The following HOOK2 variants were observed in gnomAD, a reference collection of about 807,000 sequenced individuals.
HOOK2 encodes protein Hook homolog 2.
Under a neutral mutation model 111.9 loss-of-function variants are expected in HOOK2, and 108 were observed. That is an observed-to-expected ratio of 0.96 (90% CI 0.83 to 1.13). The LOEUF (loss-of-function observed/expected upper bound fraction) is 1.13, where lower values mean the gene tolerates loss of function less well. Ranked by LOEUF, HOOK2 falls within the 50% of genes most tolerant of loss-of-function variation. The pLI is 0.00. For synonymous variants in HOOK2, 405 were observed against 394.3 expected, an observed-to-expected ratio of 1.03 and a Z score of -0.32; for missense variants, 978 against 951.3, an observed-to-expected ratio of 1.03 and a Z score of -0.37.
chr19:12,765,495 C>A lies in HOOK2; in HGVS notation c.1640+195G>T, dbSNP rs778391982. 1.4e-5 allele frequency: 10 copies of A among 711,618 alleles called. No individual in the cohort carries two copies. In the African/African-American group the frequency reaches 1.8e-4, roughly 13 times the overall value. The allele number at this position is 711,618 out of a possible 1,614,324, so 44.1% of individuals were successfully genotyped here. ...AGGCGCGGTGGCTCATGCCTGTAAT[C>A]CCAGCACTTTGGGAGGCCAAAGCGG... is the stretch of plus-strand genomic sequence containing the variant. On this transcript the variant is annotated intron_variant, in intron 18 of 22. Transcript: ENST00000397668.
Position 12,765,099 on chromosome 19 carries a change from G to A in HOOK2, c.1641-18C>T. On this transcript the variant is annotated intron_variant, in intron 18 of 22. Coordinates refer to ENST00000397668, the MANE Select transcript of HOOK2 (RefSeq NM_013312.3). ...GCTTCTGCCTGTGGGCCGGGGATGA[G>A]CAGCAGTGGGCTGACCTCCGGGCTG... The A allele has an allele frequency of 6.2e-7, 1 of 1,613,346 alleles. No individual in the cohort carries two copies. Among genetic ancestry groups the A allele is most frequent in the South Asian group, 1.1e-5 (1 of 91,056 alleles).
chr19:12,763,528 C>T lies in HOOK2; in HGVS notation c.2010G>A (p.Met670Ile), dbSNP rs1340498579. Residue 670 changes from methionine to isoleucine, a missense_variant and splice_region_variant, in exon 22 of 23, where the codon ATG becomes ATA. Coordinates refer to ENST00000397668, the MANE Select transcript of HOOK2 (RefSeq NM_013312.3). ...CTTAGAGCCCAGACCCCACACTTAC[C>T]ATATTATACCAGGCACTGATGAGCA... is the stretch of plus-strand genomic sequence containing the variant. ...EKLLISAWYNMGMALQQRAGE... is the reference protein window; with the variant it reads ...EKLLISAWYNIGMALQQRAGE... 6.2e-7 allele frequency: 1 copy of T among 1,614,246 alleles called. No homozygotes were observed. The highest frequency in any genetic ancestry group is 2.2e-5 in the East Asian group (1 of 44,886).
chr19:12,777,730 G>C (rs553266319), upstream of HOOK2, among the ~76,000 whole-genome samples: 51 of 152,354 alleles, frequency 3.3e-4, no homozygotes, highest in African/African-American at 1.2e-3. Context: ...CGCGTCGCCC[G>C]GGCCCACCAG....
chr19:12,767,552 C>G (rs1352020090), intron 13 of HOOK2, 88 bp from the exon 14 acceptor site: 1 of 1,170,280 alleles, frequency 8.5e-7, no homozygotes, highest in African/African-American at 1.5e-5. Context: ...TCTTTTGGGG[C>G]TTCAAGTTCA....
rs1400325689 is a variant in HOOK2 at position 12,774,756 on chromosome 19, G to A, written c.132-15C>T. On this transcript the variant is annotated splice_polypyrimidine_tract_variant and intron_variant, in intron 2 of 22. Coordinates refer to ENST00000397668, the MANE Select transcript of HOOK2 (RefSeq NM_013312.3). ...AGGAGGGGTCTCTGGGGGCGAGAAG[G>A]TGGGATGAGCAGACTGGGGGACACT... The A allele has an allele frequency of 6.8e-6, 11 of 1,613,556 alleles. No homozygotes were observed. In the South Asian group the frequency reaches 9.9e-5, roughly 14 times the overall value.
chr19:12,781,324 AT>A (rs980482013), upstream of HOOK2, among the ~76,000 whole-genome samples: 1 of 151,174 alleles, frequency 6.6e-6, no homozygotes, highest in African/African-American at 2.4e-5. Flanking sequence ...TATAAAAAAA[AT>A]AAATAACGAA....
At chr19:12,783,172 G>A (rs1403953656), upstream of HOOK2, among the ~76,000 whole-genome samples, 2 of 152,100 alleles carry the variant, frequency 1.3e-5, no homozygotes, top group African/African-American at 2.4e-5. Context: ...CCTGGGGAGG[G>A]GGCTGCGGAG....
chr19:12,764,617 G>A (rs1968095249), intron 20 of HOOK2, 197 bp downstream of exon 20: 9 of 603,906 alleles, frequency 1.5e-5, no homozygotes, highest in South Asian at 6.0e-5. Flanking sequence ...CATGAGCCAC[G>A]GCACCCAGCC....
Position 12,763,663 on chromosome 19 carries a change from C to T in HOOK2, c.1938+5G>A, listed in dbSNP as rs760501269. On this transcript the variant is annotated splice_donor_5th_base_variant and intron_variant, in intron 21 of 22. Transcript: ENST00000397668. ...GAGGCAGCGTAAAGGGACGAGGACACCCACCTCCAGGTGTCGGATGCGGAC... is the reference window on the plus strand; with the variant it reads ...GAGGCAGCGTAAAGGGACGAGGACATCCACCTCCAGGTGTCGGATGCGGAC... 1 of 1,614,080 alleles carries T rather than the reference C, an allele frequency of 6.2e-7. No individual in the cohort carries two copies. The highest frequency in any genetic ancestry group is 8.5e-7 in the Non-Finnish European group (1 of 1,179,886).
chr19:12,766,551 T>C (rs1039121760), intron 14 of HOOK2: 3 of 378,164 alleles, frequency 7.9e-6, no homozygotes, highest in African/African-American at 6.3e-5. Context: ...GGACAGTTTT[T>C]CGGGGTTTTT....
chr19:12,763,208 CCA>C lies in HOOK2; in HGVS notation c.*72_*73del. 1.3e-6 allele frequency: 2 copies of C among 1,543,226 alleles called. No individual in the cohort carries two copies. Among genetic ancestry groups the C allele is most frequent in the Non-Finnish European group, 8.8e-7 (1 of 1,135,436 alleles). On this transcript the variant is annotated 3_prime_UTR_variant, in exon 23 of 23. Transcript: ENST00000397668. ...AAGCTCTCGAGCACCTGGCTGAAGC[CCA>C]GTGCTGGGCGCCATGTGAGCTGGAG...
upstream of HOOK2, among the ~76,000 whole-genome samples, chr19:12,780,985 AATAATAATAAT>A (rs1356815188): frequency 2.9e-5 from 4 of 136,918 alleles, no homozygotes; most frequent in Admixed American, 7.5e-5. Flanking sequence ...CTCAAAAAAT[AATAATAATAAT>A]AAATATAAAA....
At chr19:12,777,294 C>T (rs145065675), upstream of HOOK2, among the ~76,000 whole-genome samples, 46 of 151,968 alleles carry the variant, frequency 3.0e-4, no homozygotes, top group African/African-American at 1.0e-3. Flanking sequence ...GGCAACACAG[C>T]GAGACTCCGT....
rs368526985 is a variant in HOOK2, at chr19:12,772,925, G to T, written c.256-13C>A. 79 of 1,614,094 alleles carry T rather than the reference G, an allele frequency of 4.9e-5. No homozygotes were observed. The highest frequency in any genetic ancestry group is 6.6e-5 in the Non-Finnish European group (78 of 1,180,040). On this transcript the variant is annotated splice_polypyrimidine_tract_variant and intron_variant, in intron 4 of 22. Coordinates refer to ENST00000397668, the MANE Select transcript of HOOK2 (RefSeq NM_013312.3). ...GATGCGCCAGGACCTGGGGAGAAGG[G>T]GGTGTCAGGGGCTCATGGGCCCACC...
At chr19:12,779,648 G>T (rs1337932886), upstream of HOOK2, among the ~76,000 whole-genome samples, 1 of 152,154 alleles carries the variant, frequency 6.6e-6, no homozygotes, top group Non-Finnish European at 1.5e-5. Flanking sequence ...GAGCCACGGC[G>T]CCTGGCCAAA....
Position 12,763,718 on chromosome 19 carries a change from A to AC in HOOK2, c.1887_1888insG (p.Ser630ValfsTer21). 1.2e-6 allele frequency: 2 copies of AC among 1,614,110 alleles called. No homozygotes were observed. The highest frequency in any genetic ancestry group is 1.7e-6 in the Non-Finnish European group (2 of 1,180,010). On this transcript the variant is annotated frameshift_variant, in exon 21 of 23. Transcript: ENST00000397668. LOFTEE classifies it high-confidence loss of function. Reference sequence around the variant, plus strand: ...CGTTCTCGGAGCTGTGTCCTCAGGGAATGGAGTTCTGGAGGTGCCCCCGCA... The same window carrying AC: ...CGTTCTCGGAGCTGTGTCCTCAGGGACATGGAGTTCTGGAGGTGCCCCCGCA...
chr19:12,763,378 C>T lies in HOOK2; in HGVS notation c.2064G>A (p.Gln688=). ...CCAGCCGCTGCTGTGCCAGGAATGACTGGGCATGGGCAGGCGCCCGCTCCT... is the reference window on the plus strand; with the variant it reads ...CCAGCCGCTGCTGTGCCAGGAATGATTGGGCATGGGCAGGCGCCCGCTCCT... ...AGEERAPAHA[Q]SFLAQQRLAT... Residue 688 remains glutamine, a synonymous_variant, in exon 23 of 23, where the codon CAG becomes CAA. Transcript: ENST00000397668. 4 of 1,614,206 alleles carry T rather than the reference C, an allele frequency of 2.5e-6. No homozygotes were observed. Among genetic ancestry groups the T allele is most frequent in the Non-Finnish European group, 3.4e-6 (4 of 1,180,036 alleles).
chr19:12,765,320 T>G (rs1430002177), intron 18 of HOOK2: 1 of 598,002 alleles, frequency 1.7e-6, no homozygotes, highest in African/African-American at 1.9e-5. Flanking sequence ...GCTGTCCACT[T>G]CTTCCCATCC....
At chr19:12,773,209 G>C in intron 3 of HOOK2, 165 bp from the exon 4 acceptor site, 1 of 421,940 alleles carries the variant, frequency 2.4e-6, no homozygotes, top group Non-Finnish European at 4.2e-6. Flanking sequence ...TGCCCCTTTT[G>C]TCTGCCTGAC....
Sources: gnomAD v4.1 joint callset for allele counts (sites outside exome capture counted in the v4.1 genomes callset) on GRCh38, gnomAD v4.1.1 for gene constraint, MANE v1.5 for transcripts, NCBI Gene and HGNC (gene_info 2026-07-23, HGNC 2026-07-21) for gene names.